The following EGLN1 variants were observed in gnomAD, a reference collection of about 807,000 sequenced individuals.
EGLN1 encodes egl-9 family hypoxia inducible factor 1.
Under a neutral mutation model 38.3 loss-of-function variants are expected in EGLN1, and 17 were observed. That is an observed-to-expected ratio of 0.44 (90% CI 0.30 to 0.67). EGLN1 has a LOEUF of 0.67. Among genes scored for constraint, EGLN1 ranks in the 30% least tolerant of loss-of-function variants. EGLN1 has a pLI of 0.08. For missense variants in EGLN1, 477 were observed against 603.3 expected, an observed-to-expected ratio of 0.79 and a Z score of 2.19; for synonymous variants, 283 against 257.5, an observed-to-expected ratio of 1.10 and a Z score of -0.95.
chr1:231,421,646 A>T lies in EGLN1; in HGVS notation c.243T>A (p.Ala81=). ...PHQHSGPAPP[A]AVPPPRAGAR... ...CCCCGGCCCTGGGCGGCGGCACTGC[A>T]GCCGGCGGCGCGGGGCCGGAATGCT... Residue 81 remains alanine (A), a synonymous_variant, in exon 1 of 5, where the codon GCT becomes GCA. Transcript: ENST00000366641. The surrounding 1 kb of genome is among the most constrained non-coding windows in gnomAD (Gnocchi z 5.5). 6.9e-7 allele frequency: 1 copy of T among 1,454,976 alleles called. No homozygotes were observed. The allele number at this position is 1,454,976 out of a possible 1,614,324, so 90.1% of individuals were successfully genotyped here. A position where few individuals can be genotyped will look rare whatever the true frequency, so the allele number is the denominator to read the frequency against.
At chr1:231,414,733 C>CT (rs71179779) in intron 1 of EGLN1, among the ~76,000 whole-genome samples, 6,144 of 129,444 alleles carry the variant, frequency 0.047, 618 homozygotes, top group African/African-American at 0.17. Context: ...AATCCCAGCA[C>CT]TTTTTTTTTT....
chr1:231,386,870 A>G (rs1688222837), intron 1 of EGLN1, among the ~76,000 whole-genome samples: 2 of 152,158 alleles, frequency 1.3e-5, no homozygotes, highest in Admixed American at 6.5e-5. Flanking sequence ...ATATATACAT[A>G]TATTTTAGAC....
In EGLN1 at chr1:231,421,431, G is replaced by A. The variant is rs1316991180; in HGVS notation, c.458C>T (p.Ser153Leu). The A allele has an allele frequency of 1.6e-5, 25 of 1,549,622 alleles. No homozygotes were observed. Among genetic ancestry groups the A allele is most frequent in the Non-Finnish European group, 2.6e-6 (3 of 1,145,566 alleles). ...GTTCGCCTTCTCCTGGAACAGCGAT[G>A]AGCGGGCCGGCGGCTCCTCCTTGCC... ...EPGKEEPPAR[S>L]SLFQEKANLY... Residue 153 changes from serine to leucine, a missense_variant, in exon 1 of 5, where the codon TCA becomes TTA. Transcript: ENST00000366641. This position sits in a 1 kb window ranked among gnomAD's most constrained non-coding sequence, Gnocchi z 5.5.
chr1:231,415,593 T>C (rs1689059271), intron 1 of EGLN1, among the ~76,000 whole-genome samples: 1 of 152,120 alleles, frequency 6.6e-6, no homozygotes, highest in South Asian at 2.1e-4. Context: ...AGATAGCAAA[T>C]TTTTTAAATG....
At position 231,366,156 on chromosome 1, in the gene EGLN1, C is replaced by A; in HGVS notation, c.*255G>T. ...TCTACACAGGGCACTTATTTCATATCCAGATGTAAAAACCATTTTCAATTA... is the reference window on the plus strand; with the variant it reads ...TCTACACAGGGCACTTATTTCATATACAGATGTAAAAACCATTTTCAATTA... On this transcript the variant is annotated 3_prime_UTR_variant, in exon 5 of 5. Transcript: ENST00000366641. The A allele has an allele frequency of 1.9e-6, 1 of 538,122 alleles. No individual in the cohort carries two copies. Among genetic ancestry groups the A allele is most frequent in the Non-Finnish European group, 3.3e-6 (1 of 303,990 alleles). 33.3% of individuals were successfully genotyped at this position (538,122 alleles called of 1,614,324 possible).
At chr1:231,368,546 T>A (rs1687723007) in intron 3 of EGLN1, among the ~76,000 whole-genome samples, 1 of 152,222 alleles carries the variant, frequency 6.6e-6, no homozygotes, top group Non-Finnish European at 1.5e-5. Context: ...TATTAAATAC[T>A]ACAAAAGACA....
intron 1 of EGLN1, among the ~76,000 whole-genome samples, chr1:231,413,692 T>C (rs1268591192): frequency 6.6e-6 from 1 of 152,128 alleles, no homozygotes; most frequent in Non-Finnish European, 1.5e-5. Context: ...CAGGACACCC[T>C]AGCTCCTAGA....
At chr1:231,391,093 TG>T (rs1268284317) in intron 1 of EGLN1, among the ~76,000 whole-genome samples, 276 of 24,698 alleles carry the variant, frequency 0.011, 32 homozygotes, top group Non-Finnish European at 0.013. Flanking sequence ...GTTTTTTTTT[TG>T]TGTGTGTGTG....
intron 1 of EGLN1, among the ~76,000 whole-genome samples, chr1:231,387,097 A>G (rs963490837): frequency 2.0e-5 from 3 of 151,842 alleles, no homozygotes; most frequent in Non-Finnish European, 2.9e-5. Flanking sequence ...GGCCTCACGC[A>G]ATCCTCCTGC....
rs555552945 is a variant in EGLN1, at chr1:231,383,682, A to G, written c.892-9583T>C. On this transcript the variant is annotated intron_variant, in intron 1 of 4. Coordinates refer to ENST00000366641, the MANE Select transcript of EGLN1 (RefSeq NM_022051.3). ...GAGCAATAGGGATGGGGCAGGACAGACAGGCAGGGGCAGCTCAAAAAGGCT... is the reference window on the plus strand; with the variant it reads ...GAGCAATAGGGATGGGGCAGGACAGGCAGGCAGGGGCAGCTCAAAAAGGCT... Among the ~76,000 whole-genome samples, 19 of 152,298 alleles carry G rather than the reference A, an allele frequency of 1.2e-4. No homozygotes were observed. In the South Asian group the frequency reaches 3.1e-3, roughly 25 times the overall value.
intron 1 of EGLN1, among the ~76,000 whole-genome samples, chr1:231,391,951 G>C (rs1050562438): frequency 1.3e-5 from 2 of 152,156 alleles, no homozygotes; most frequent in Admixed American, 6.5e-5. Context: ...AAGAGTTCTA[G>C]GACCAGAGTG....
chr1:231,370,463 G>C (rs776748870), intron 3 of EGLN1, 99 bp downstream of exon 3: 36 of 1,270,790 alleles, frequency 2.8e-5, no homozygotes, highest in Non-Finnish European at 3.8e-5. Context: ...AAAAGTACCT[G>C]GCAGGAAAAT....
intron 4 of EGLN1, 38 bp from the exon 5 acceptor site, chr1:231,366,513 C>G: frequency 6.3e-7 from 1 of 1,592,488 alleles, no homozygotes; most frequent in South Asian, 1.1e-5. Flanking sequence ...CATTCATTCA[C>G]TAAGCACCAG....
chr1:231,377,978 A>G (rs907748813), intron 1 of EGLN1, among the ~76,000 whole-genome samples: 3 of 152,242 alleles, frequency 2.0e-5, no homozygotes, highest in Admixed American at 6.5e-5. Flanking sequence ...GTTAAGTTCT[A>G]TAATTCCCAG....
chr1:231,417,688 A>G (rs531874768), intron 1 of EGLN1, among the ~76,000 whole-genome samples: 1 of 152,326 alleles, frequency 6.6e-6, no homozygotes, highest in South Asian at 2.1e-4. Flanking sequence ...AGTGGCTACA[A>G]TTACATTTCT....
chr1:231,414,820 C>A (rs1243725121), intron 1 of EGLN1, among the ~76,000 whole-genome samples: 1 of 151,182 alleles, frequency 6.6e-6, no homozygotes, highest in Non-Finnish European at 1.5e-5. Flanking sequence ...ACTGCAACCT[C>A]TACCTCCCAG....
At chr1:231,406,390 C>T (rs1258492333) in intron 1 of EGLN1, among the ~76,000 whole-genome samples, 1 of 151,940 alleles carries the variant, frequency 6.6e-6, no homozygotes, top group South Asian at 2.1e-4. Flanking sequence ...AAGAATTAAC[C>T]TAGCAAATGT....
chr1:231,395,134 C>A (rs1688488083), intron 1 of EGLN1, among the ~76,000 whole-genome samples: 1 of 152,176 alleles, frequency 6.6e-6, no homozygotes, highest in South Asian at 2.1e-4. Flanking sequence ...TACTCTAAGT[C>A]AACATTTGTT....
In EGLN1 at chr1:231,420,917, C is replaced by CA. The variant is rs1656569280; in HGVS notation, c.891+80dup. 2.5e-6 allele frequency: 4 copies of CA among 1,612,094 alleles called. No homozygotes were observed. The East Asian group carries it at 8.9e-5, about 36-fold the overall frequency. On this transcript the variant is annotated intron_variant, in intron 1 of 4. Coordinates refer to ENST00000366641, the MANE Select transcript of EGLN1 (RefSeq NM_022051.3). Reference sequence around the variant, plus strand: ...TTCTATATAGAGGAATGCTGCTTCTCAGCCTAGGCAGTTTCAGTCGCAGGC... The same window carrying CA: ...TTCTATATAGAGGAATGCTGCTTCTCAAGCCTAGGCAGTTTCAGTCGCAGGC...
Sources: gnomAD v4.1 joint callset for allele counts (sites outside exome capture counted in the v4.1 genomes callset) on GRCh38, gnomAD v4.1.1 for gene constraint, Gnocchi (gnomAD v3.1) non-coding constraint, MANE v1.5 for transcripts, NCBI Gene and HGNC (gene_info 2026-07-23, HGNC 2026-07-21) for gene names.